The following WDR20 variants were observed in gnomAD, a reference collection of about 807,000 sequenced individuals.
WDR20 encodes WD repeat domain 20.
WDR20 carries 3 observed loss-of-function variants against 38.7 expected under a neutral mutation model. That is an observed-to-expected ratio of 0.08 (90% CI 0.04 to 0.20). The LOEUF is 0.20. Among genes scored for constraint, WDR20 ranks in the 10% least tolerant of loss-of-function variants. The probability of loss-of-function intolerance (pLI) is 1.00; values close to 1 mark genes in which losing one functional copy is unlikely to be tolerated. For missense variants in WDR20, 559 were observed against 727.7 expected (o/e 0.77, Z 2.67); for synonymous variants, 298 against 285.6 (o/e 1.04, Z -0.44).
At chr14:102,146,658 G>A (rs1307852765) in intron 1 of WDR20, among the ~76,000 whole-genome samples, 2 of 152,190 alleles carry the variant, frequency 1.3e-5, no homozygotes, top group Admixed American at 6.5e-5. Context: ...AGGACCACCT[G>A]TTGGTGACAT....
intron 1 of WDR20, among the ~76,000 whole-genome samples, chr14:102,158,223 G>T (rs10147172): frequency 0.028 from 4,256 of 152,234 alleles, 169 homozygotes; most frequent in African/African-American, 0.083. Flanking sequence ...ACTCCCCTAA[G>T]ATTCAGAACC....
chr14:102,223,024 G>A (rs1290861808), exon 4 of WDR20: 9 of 970,320 alleles, frequency 9.3e-6, no homozygotes, highest in South Asian at 2.9e-5. Context: ...GACGGTGACC[G>A]GCTCACTCTG....
chr14:102,206,244 C>T (rs2061519053), intron 2 of WDR20, among the ~76,000 whole-genome samples: 1 of 152,214 alleles, frequency 6.6e-6, no homozygotes, highest in Admixed American at 6.5e-5. Context: ...TCCTCGGCCT[C>T]CCAAAGTGCT....
chr14:102,217,058 G>A (rs956168272), downstream of WDR20, among the ~76,000 whole-genome samples: 1 of 152,180 alleles, frequency 6.6e-6, no homozygotes, highest in African/African-American at 2.4e-5. Context: ...CCCCTTCCAG[G>A]GTCAGTGGCC....
intron 1 of WDR20, among the ~76,000 whole-genome samples, chr14:102,178,054 T>A (rs1056687466): frequency 6.6e-6 from 1 of 152,178 alleles, no homozygotes; most frequent in Non-Finnish European, 1.5e-5. Flanking sequence ...TGAGTTTGTA[T>A]CTTTTGTAGG....
In WDR20 at chr14:102,222,099, C is replaced by T. The variant is rs779589388; in HGVS notation, c.1693-731C>T. ...GGGTGAGATTCCCCGCCCCCGCCCC[C>T]GACAGTGAGCCTCTCAGCAGGAGCC... is the stretch of plus-strand genomic sequence containing the variant. On this transcript the variant is annotated intron_variant, in intron 3 of 3. Transcript: ENST00000335263. The surrounding 1 kb of genome is among the most constrained non-coding windows in gnomAD (Gnocchi z 4.4). 5.3e-5 allele frequency among the ~76,000 whole-genome samples: 8 copies of T among 151,902 alleles called. No homozygotes were observed. Among genetic ancestry groups the T allele is most frequent in the Admixed American group, 3.3e-4 (5 of 15,274 alleles).
In WDR20 at chr14:102,172,481, C is replaced by T. The variant is rs1218125483; in HGVS notation, c.250-22457C>T. ...GGGGCTCCTCACTTCCCAGTAGGGG[C>T]GGCCGGGCAGAGGCGCCCCTCACCT... On this transcript the variant is annotated intron_variant, in intron 1 of 2. Transcript: ENST00000342702. 6.0e-5 allele frequency among the ~76,000 whole-genome samples: 9 copies of T among 150,964 alleles called. No homozygotes were observed. In the South Asian group the frequency reaches 1.3e-3, roughly 21 times the overall value.
chr14:102,207,854 G>T lies in WDR20; in HGVS notation c.433-749G>T, dbSNP rs535764741. On this transcript the variant is annotated intron_variant, in intron 2 of 2. Coordinates refer to ENST00000342702, the MANE Select transcript of WDR20 (RefSeq NM_144574.4). This position sits in a 1 kb window ranked among gnomAD's most constrained non-coding sequence, Gnocchi z 5.0. ...CCTGTTAAAGAAACATCTCGGTCAG[G>T]GGTCCAAAGTTAGCATATGGAGCAG... is the stretch of plus-strand genomic sequence containing the variant. Among the ~76,000 whole-genome samples, 42 of 152,310 alleles carry T rather than the reference G, an allele frequency of 2.8e-4. No individual in the cohort carries two copies. In the South Asian group the frequency reaches 7.9e-3, roughly 29 times the overall value.
chr14:102,178,514 G>A (rs1298965691), intron 1 of WDR20, among the ~76,000 whole-genome samples: 1 of 152,036 alleles, frequency 6.6e-6, no homozygotes, highest in East Asian at 1.9e-4. Flanking sequence ...GGTTCTCTTA[G>A]GCGTGGTCCC....
At chr14:102,159,869 C>T (rs955832459) in intron 1 of WDR20, among the ~76,000 whole-genome samples, 3 of 151,952 alleles carry the variant, frequency 2.0e-5, no homozygotes, top group African/African-American at 7.3e-5. Context: ...TTTTGGGAGG[C>T]TGAGGTGGGA....
At chr14:102,204,302 C>T (rs977489454) in intron 2 of WDR20, among the ~76,000 whole-genome samples, 3 of 152,156 alleles carry the variant, frequency 2.0e-5, no homozygotes, top group African/African-American at 7.2e-5. Flanking sequence ...TCTTTCTGTC[C>T]TTCTGTCTTG....
chr14:102,152,433 T>TG (rs2056229115), intron 1 of WDR20, among the ~76,000 whole-genome samples: 1 of 151,636 alleles, frequency 6.6e-6, no homozygotes, highest in Non-Finnish European at 1.5e-5. Context: ...TTTTTTTTTT[T>TG]GAGACAGAGT....
At chr14:102,178,278 G>A (rs1469387206) in intron 1 of WDR20, among the ~76,000 whole-genome samples, 1 of 151,992 alleles carries the variant, frequency 6.6e-6, no homozygotes, top group African/African-American at 2.4e-5. Flanking sequence ...TGTAGTCCCA[G>A]CTACTTGGGA....
intron 1 of WDR20, among the ~76,000 whole-genome samples, chr14:102,173,405 C>T (rs1054554237): frequency 2.7e-5 from 4 of 150,548 alleles, no homozygotes; most frequent in African/African-American, 7.3e-5. Context: ...TGTGCCACCG[C>T]GCCCGGCCTG....
chr14:102,190,686 C>T (rs1308190213), intron 1 of WDR20, among the ~76,000 whole-genome samples: 1 of 151,324 alleles, frequency 6.6e-6, no homozygotes, highest in Non-Finnish European at 1.5e-5. Flanking sequence ...GTACTTTTTC[C>T]TACATTGACT....
At chr14:102,191,016 G>GA (rs1172705763) in intron 1 of WDR20, among the ~76,000 whole-genome samples, 1 of 148,834 alleles carries the variant, frequency 6.7e-6, no homozygotes, top group African/African-American at 2.5e-5. Flanking sequence ...AAAAAAAAAA[G>GA]AAAAAAATTA....
At chr14:102,176,733 G>A (rs1254511286) in intron 1 of WDR20, among the ~76,000 whole-genome samples, 1 of 151,612 alleles carries the variant, frequency 6.6e-6, no homozygotes, top group Non-Finnish European at 1.5e-5. Flanking sequence ...AGTAGGATTG[G>A]TGCCAATTTT....
At chr14:102,175,823 G>C (rs1056578811) in intron 1 of WDR20, among the ~76,000 whole-genome samples, 1 of 152,072 alleles carries the variant, frequency 6.6e-6, no homozygotes, top group Non-Finnish European at 1.5e-5. Flanking sequence ...ATTGTAAAAG[G>C]GGTTAAGTTC....
At chr14:102,212,017 G>A (rs1308867136), downstream of WDR20, among the ~76,000 whole-genome samples, 1 of 152,082 alleles carries the variant, frequency 6.6e-6, no homozygotes, top group Non-Finnish European at 1.5e-5. Context: ...ATTCTCAGTC[G>A]CAGTGGCTGG....
Sources: allele counts gnomAD v4.1 joint callset (sites outside exome capture counted in the v4.1 genomes callset), GRCh38; gene constraint gnomAD v4.1.1; non-coding constraint Gnocchi (gnomAD v3.1); transcripts MANE v1.5; gene names NCBI Gene and HGNC (gene_info 2026-07-23, HGNC 2026-07-21).